Variants in FAM228B observed in about 807,000 individuals in gnomAD.
FAM228B encodes family with sequence similarity 228 member B.
In FAM228B, 38 loss-of-function variants were observed where a neutral mutation model predicts 42.6. The ratio of observed to expected loss-of-function variants is 0.89; its 90% CI spans 0.69 to 1.17. The LOEUF (loss-of-function observed/expected upper bound fraction) is 1.17. Ranked by LOEUF, FAM228B falls within the 50% of genes most tolerant of loss-of-function variation. FAM228B has a pLI of 0.00. For missense variants in FAM228B, 344 were observed against 367.3 expected (o/e 0.94, Z 0.52); for synonymous variants, 109 against 122.3 (o/e 0.89, Z 0.72).
Position 24,167,635 on chromosome 2 carries a change from C to G in FAM228B, c.941C>G (p.Ser314Cys). The change falls in exon 10 of 11, where the codon TCC becomes TGC. Residue 314 changes from serine (S) to cysteine (C), a missense_variant. Coordinates refer to ENST00000615575, the MANE Select transcript of FAM228B (RefSeq NM_001145710.2). Reference protein sequence around the residue: ...EREEDQDGSPSPRLGLLKLEL With the variant: ...EREEDQDGSPCPRLGLLKLEL ...TTCAATCTTCATTTAAGGTCTCCCT[C>G]CCCGCGTTTGGGGCTGCTGAAGCTG... is the stretch of plus-strand genomic sequence containing the variant. 1 of 1,551,596 alleles carries G rather than the reference C, an allele frequency of 6.4e-7. No individual in the cohort carries two copies. The highest frequency in any genetic ancestry group is 8.7e-7 in the Non-Finnish European group (1 of 1,146,888).
intron 3 of FAM228B, among the ~76,000 whole-genome samples, chr2:24,101,175 A>G (rs1053972656): frequency 2.0e-4 from 31 of 152,132 alleles, no homozygotes; most frequent in African/African-American, 7.5e-4. Context: ...TGATGAGTTG[A>G]TGGGTGCAGC....
chr2:24,098,481 C>T (rs943138382), intron 3 of FAM228B, among the ~76,000 whole-genome samples: 1 of 152,162 alleles, frequency 6.6e-6, no homozygotes, highest in Non-Finnish European at 1.5e-5. Flanking sequence ...ATACAAACTA[C>T]CATCAGAGAA....
chr2:24,112,944 C>G (rs1665822498), intron 3 of FAM228B, among the ~76,000 whole-genome samples: 1 of 152,196 alleles, frequency 6.6e-6, no homozygotes, highest in Non-Finnish European at 1.5e-5. Flanking sequence ...TCCATACTCA[C>G]TCTTCTTCCA....
chr2:24,097,648 C>T (rs1473724035), intron 3 of FAM228B, among the ~76,000 whole-genome samples: 3 of 152,088 alleles, frequency 2.0e-5, no homozygotes. Context: ...CCTTTGAGAC[C>T]TACAAAGAAA....
intron 7 of FAM228B, among the ~76,000 whole-genome samples, chr2:24,155,090 C>T (rs576121586): frequency 7.2e-5 from 11 of 152,094 alleles, no homozygotes; most frequent in African/African-American, 2.4e-4. Context: ...ATAGGTTTAA[C>T]TCTGATGGTA....
Position 24,077,877 on chromosome 2 carries a change from A to T in FAM228B, c.-290+908A>T. On this transcript the variant is annotated intron_variant, in intron 1 of 10. Transcript: ENST00000613899. This position sits in a 1 kb window ranked among gnomAD's most constrained non-coding sequence, Gnocchi z 5.5. ...CACGTATCTGAAAAAGCACACAGGG[A>T]CACTTAACCCCTCACTTCCTAGCAT... The T allele has an allele frequency of 9.0e-7, 1 of 1,111,780 alleles. No individual in the cohort carries two copies. Among genetic ancestry groups the T allele is most frequent in the Non-Finnish European group, 1.3e-6 (1 of 776,094 alleles). 68.9% of individuals were successfully genotyped at this position (1,111,780 alleles called of 1,614,324 possible). A position where few individuals can be genotyped will look rare whatever the true frequency, so the allele number is the denominator to read the frequency against.
At chr2:24,079,680 T>C in intron 1 of FAM228B, 1 of 1,590,730 alleles carries the variant, frequency 6.3e-7, no homozygotes, top group Non-Finnish European at 8.6e-7. Context: ...GTCAGCTTGG[T>C]GCTAAATAAG....
At chr2:24,167,596 A>G (rs938654949) in intron 9 of FAM228B, 31 bp from the exon 10 acceptor site, 33 of 1,551,228 alleles carry the variant, frequency 2.1e-5, no homozygotes, top group Middle Eastern at 3.3e-4. Context: ...CTCGTATAAC[A>G]TAATGACCAA....
intron 7 of FAM228B, among the ~76,000 whole-genome samples, chr2:24,161,221 A>G (rs4665666): frequency 0.83 from 126,147 of 152,074 alleles, 54,168 homozygotes; most frequent in Non-Finnish European, 0.93. Flanking sequence ...CGAGGCAGGA[A>G]GATCACTTGA....
chr2:24,094,510 AG>A (rs1280798140), intron 2 of FAM228B, among the ~76,000 whole-genome samples: 1 of 152,114 alleles, frequency 6.6e-6, no homozygotes, highest in Non-Finnish European at 1.5e-5. Flanking sequence ...CGAGAGACAG[AG>A]TCTTGTTCTG....
intron 2 of FAM228B, among the ~76,000 whole-genome samples, chr2:24,086,938 A>G (rs34572936): frequency 6.6e-6 from 1 of 152,184 alleles, no homozygotes; most frequent in Non-Finnish European, 1.5e-5. Flanking sequence ...ATCGACACTA[A>G]AACTGATTGG....
At chr2:24,122,280 C>A (rs144314093), upstream of FAM228B, 174 of 662,482 alleles carry the variant, frequency 2.6e-4, no homozygotes, top group African/African-American at 2.7e-3. Flanking sequence ...GAGCTGAGAT[C>A]ATGCCATTGC....
intron 2 of FAM228B, among the ~76,000 whole-genome samples, chr2:24,088,278 G>C (rs1406259202): frequency 1.3e-5 from 2 of 152,160 alleles, no homozygotes; most frequent in African/African-American, 4.8e-5. Context: ...TGGGGACAGA[G>C]ACTCCTGCAC....
intron 3 of FAM228B, among the ~76,000 whole-genome samples, chr2:24,106,608 C>T (rs1282800861): frequency 2.0e-5 from 3 of 152,058 alleles, no homozygotes; most frequent in East Asian, 1.9e-4. Context: ...GTATGAGCCA[C>T]CTTACCTGGC....
At chr2:24,139,706 A>G (rs1467319050) in intron 5 of FAM228B, among the ~76,000 whole-genome samples, 1 of 152,218 alleles carries the variant, frequency 6.6e-6, no homozygotes, top group Non-Finnish European at 1.5e-5. Context: ...TAAATTTGTT[A>G]CAAAAGTAAC....
At chr2:24,121,121 T>C (rs1666101321), upstream of FAM228B, 2 of 1,605,680 alleles carry the variant, frequency 1.2e-6, no homozygotes, top group Non-Finnish European at 1.7e-6. Flanking sequence ...GGAGGCAAAT[T>C]CTTTTCTTTT....
chr2:24,158,208 TTTTTTC>T (rs1464439084), intron 7 of FAM228B, among the ~76,000 whole-genome samples: 1 of 141,640 alleles, frequency 7.1e-6, no homozygotes, highest in East Asian at 2.0e-4. Flanking sequence ...TTTTTTTTTT[TTTTTTC>T]CAAAACATTG....
At chr2:24,137,666 G>A (rs979481957) in intron 3 of FAM228B, among the ~76,000 whole-genome samples, 3 of 152,102 alleles carry the variant, frequency 2.0e-5, no homozygotes, top group Non-Finnish European at 2.9e-5. Flanking sequence ...CTTTTGATTT[G>A]TTCTTTAGTC....
chr2:24,098,224 C>T (rs1416831823), intron 3 of FAM228B, among the ~76,000 whole-genome samples: 2 of 151,978 alleles, frequency 1.3e-5, no homozygotes, highest in Non-Finnish European at 2.9e-5. Context: ...ATTAAAAGAA[C>T]TAAAGAAGCA....
Sources: gnomAD v4.1 joint callset for allele counts (sites outside exome capture counted in the v4.1 genomes callset) on GRCh38, gnomAD v4.1.1 for gene constraint, Gnocchi (gnomAD v3.1) non-coding constraint, MANE v1.5 for transcripts, NCBI Gene and HGNC (gene_info 2026-07-23, HGNC 2026-07-21) for gene names.